The following KIF6 variants were observed in gnomAD, a reference collection of about 807,000 sequenced individuals.
KIF6 encodes the protein kinesin family member 6, also known as kinesin-like protein KIF6.
Under a neutral mutation model 112.7 loss-of-function variants are expected in KIF6, and 106 were observed. The observed-to-expected ratio is 0.94, with a 90% confidence interval of 0.80 to 1.11. KIF6 has a LOEUF of 1.11. Among genes scored for constraint, KIF6 ranks in the 50% least tolerant of loss-of-function variants. The pLI, the probability that KIF6 is intolerant of heterozygous loss-of-function variation, is 0.00. For missense variants in KIF6, 929 were observed against 964.0 expected (o/e 0.96, Z 0.48); for synonymous variants, 339 against 339.9 (o/e 1.00, Z 0.03).
chr6:39,364,827 T>G (rs2150269157), intron 16 of KIF6, among the ~76,000 whole-genome samples: 1 of 152,178 alleles, frequency 6.6e-6, no homozygotes, highest in Admixed American at 6.5e-5. Flanking sequence ...AGAGCTGGGA[T>G]GTGAACCCAT....
At chr6:39,705,240 T>A (rs746945693) in intron 3 of KIF6, among the ~76,000 whole-genome samples, 2 of 152,156 alleles carry the variant, frequency 1.3e-5, no homozygotes, top group African/African-American at 4.8e-5. Flanking sequence ...ATTCAATAGG[T>A]CTGGGTGAGG....
chr6:39,450,277 G>C (rs1451565698), intron 13 of KIF6, among the ~76,000 whole-genome samples: 1 of 152,118 alleles, frequency 6.6e-6, no homozygotes, highest in Non-Finnish European at 1.5e-5. Flanking sequence ...GACCATTATG[G>C]ATGGATTATG....
At chr6:39,542,177 G>T (rs754564759) in intron 12 of KIF6, among the ~76,000 whole-genome samples, 4 of 152,274 alleles carry the variant, frequency 2.6e-5, no homozygotes, top group Non-Finnish European at 2.9e-5. Context: ...AGACTTTAAT[G>T]AGAATAATGA....
chr6:39,534,879 C>A (rs1056575875), intron 13 of KIF6, among the ~76,000 whole-genome samples: 3 of 152,198 alleles, frequency 2.0e-5, no homozygotes, highest in African/African-American at 7.2e-5. Flanking sequence ...AGAAATTCTA[C>A]AAGCCAGAAG....
Position 39,584,954 on chromosome 6 carries a change from G to A in KIF6, c.1021C>T (p.Arg341Ter), listed in dbSNP as rs149324986. 2.0e-5 allele frequency: 33 copies of A among 1,611,378 alleles called. No individual in the cohort carries two copies. Among genetic ancestry groups the A allele is most frequent in the African/African-American group, 6.7e-5 (5 of 74,860 alleles). Residue 341 changes from arginine to a stop codon, truncating the protein, a stop_gained, in exon 9 of 23, where the codon CGA becomes TGA. Transcript: ENST00000287152. LOFTEE classifies it high-confidence loss of function. ...ESISTCRFAQ[R>*]VALIKNEAVL... ...GCTTCATTCTTTATGAGTGCCACTC[G>A]CTGTGCAAATCTGCAGGTTGATATA... is the stretch of plus-strand genomic sequence containing the variant.
intron 3 of KIF6, among the ~76,000 whole-genome samples, chr6:39,697,984 A>T (rs977310254): frequency 1.3e-5 from 2 of 152,234 alleles, no homozygotes; most frequent in African/African-American, 4.8e-5. Context: ...GTTTACTCAT[A>T]TAATATTACT....
intron 3 of KIF6, among the ~76,000 whole-genome samples, chr6:39,686,508 G>C (rs1352605168): frequency 6.6e-6 from 1 of 152,144 alleles, no homozygotes; most frequent in Non-Finnish European, 1.5e-5. Flanking sequence ...TGAGTAGTTT[G>C]AGAAAATATA....
intron 13 of KIF6, among the ~76,000 whole-genome samples, chr6:39,488,799 G>T (rs1434666374): frequency 6.6e-6 from 1 of 152,220 alleles, no homozygotes; most frequent in Non-Finnish European, 1.5e-5. Flanking sequence ...AAATGATATT[G>T]TAAATTCTTG....
At chr6:39,400,747 T>C (rs1768639755) in intron 15 of KIF6, among the ~76,000 whole-genome samples, 1 of 152,224 alleles carries the variant, frequency 6.6e-6, no homozygotes, top group African/African-American at 2.4e-5. Flanking sequence ...TGACCCCTTC[T>C]CCACGGTGAT....
chr6:39,441,794 T>G (rs754981270), intron 13 of KIF6, among the ~76,000 whole-genome samples: 12 of 152,242 alleles, frequency 7.9e-5, no homozygotes, highest in Non-Finnish European at 1.3e-4. Context: ...GTTAAAGGGC[T>G]ATGTTCAACT....
intron 13 of KIF6, among the ~76,000 whole-genome samples, chr6:39,437,272 G>T (rs1432326859): frequency 1.3e-5 from 2 of 152,140 alleles, no homozygotes; most frequent in Non-Finnish European, 2.9e-5. Flanking sequence ...TTTCAGAGAA[G>T]TCTTTAGGAT....
At chr6:39,358,338 A>C (rs1764869570) in intron 18 of KIF6, among the ~76,000 whole-genome samples, 1 of 152,218 alleles carries the variant, frequency 6.6e-6, no homozygotes, top group Admixed American at 6.5e-5. Flanking sequence ...CACTGAGGGT[A>C]CAGCTGCAGG....
intron 13 of KIF6, among the ~76,000 whole-genome samples, chr6:39,464,349 T>A (rs1773662841): frequency 6.6e-6 from 1 of 152,216 alleles, no homozygotes; most frequent in Non-Finnish European, 1.5e-5. Context: ...ATCTGGAGGA[T>A]GAGGGAACCA....
intron 3 of KIF6, among the ~76,000 whole-genome samples, chr6:39,650,738 A>G (rs1785425763): frequency 1.3e-5 from 2 of 152,258 alleles, no homozygotes; most frequent in South Asian, 4.1e-4. Context: ...CATTGTCTAT[A>G]GAAATTTATT....
At chr6:39,367,500 G>A (rs973987734) in intron 16 of KIF6, among the ~76,000 whole-genome samples, 2 of 152,144 alleles carry the variant, frequency 1.3e-5, no homozygotes, top group South Asian at 4.1e-4. Context: ...AGCAAGAGAA[G>A]GGTTTCACTC....
intron 18 of KIF6, among the ~76,000 whole-genome samples, chr6:39,359,681 G>T (rs1418564662): frequency 6.6e-6 from 1 of 152,058 alleles, no homozygotes; most frequent in East Asian, 1.9e-4. Flanking sequence ...GACCTCCCAG[G>T]CTCAAGCACT....
At chr6:39,569,843 T>G (rs1780545223) in intron 10 of KIF6, among the ~76,000 whole-genome samples, 1 of 152,252 alleles carries the variant, frequency 6.6e-6, no homozygotes, top group African/African-American at 2.4e-5. Context: ...TTATTTAGTT[T>G]GTCTCTGAGC....
chr6:39,586,262 T>G lies in KIF6; in HGVS notation c.989A>C (p.Asp330Ala). 6.2e-7 allele frequency: 1 copy of G among 1,614,116 alleles called. No individual in the cohort carries two copies. The highest frequency in any genetic ancestry group is 1.1e-5 in the South Asian group (1 of 91,086). ...ATLSLEKRNL[D>A]ESISTCRFAQ... is the part of the protein sequence containing the mutation. ...CTCCAGAAAGAAGAGCCCACATACA[T>G]CAAGATTCCTTTTCTCCAAGGAGAG... Residue 330 changes from aspartate to alanine, a missense_variant and splice_region_variant, in exon 8 of 23, where the codon GAT (aspartate) becomes GCT (alanine). Around this residue, in one of 2 missense-constraint regions of KIF6, gnomAD observed 688 missense variants for 662.7 expected, o/e 1.04. Coordinates refer to ENST00000287152, the MANE Select transcript of KIF6 (RefSeq NM_145027.6).
At chr6:39,419,542 A>T (rs990402068) in intron 15 of KIF6, among the ~76,000 whole-genome samples, 10 of 152,074 alleles carry the variant, frequency 6.6e-5, no homozygotes, top group African/African-American at 2.2e-4. Flanking sequence ...ATGCTAAAAT[A>T]TCATACCTGT....
Sources: allele counts gnomAD v4.1 joint callset (sites outside exome capture counted in the v4.1 genomes callset), GRCh38; gene constraint gnomAD v4.1.1; regional missense constraint gnomAD v4.1.1; transcripts MANE v1.5; gene names NCBI Gene and HGNC (gene_info 2026-07-23, HGNC 2026-07-21).